PTGER4: variants seen among roughly 807,000 people sequenced by gnomAD.
PTGER4 encodes prostaglandin E receptor 4.
PTGER4 carries 11 observed loss-of-function variants against 33.2 expected under a neutral mutation model. The observed-to-expected ratio is 0.33, with a 90% CI of 0.21 to 0.55. The LOEUF is 0.55. PTGER4 is among the 20% of genes least tolerant of loss of function. PTGER4 has a pLI of 0.92. For missense variants in PTGER4, 481 were observed against 650.2 expected (o/e 0.74, Z 2.83); for synonymous variants, 275 against 281.5 (o/e 0.98, Z 0.23).
At chr5:40,684,137 C>A (rs1260667333) in intron 2 of PTGER4, among the ~76,000 whole-genome samples, 2 of 121,346 alleles carry the variant, frequency 1.6e-5, no homozygotes, top group East Asian at 3.0e-4. Context: ...CCCCCCCCCA[C>A]AATTCAGCAA....
chr5:40,718,375 C>T, the PTGER4 span, among the ~76,000 whole-genome samples: 2 of 151,978 alleles, frequency 1.3e-5, no homozygotes, highest in East Asian at 3.9e-4. Flanking sequence ...CACTGCACTC[C>T]AGCCTGGATG....
Position 40,693,438 on chromosome 5 carries a change from T to C in PTGER4, c.*1060T>C. The stretch of plus-strand genomic sequence containing the variant: ...GGATGGCAAGTTGCATCAGAAAGCT[T>C]TATTTTGAGATGTAAAAAGATTCCC... On this transcript the variant is annotated 3_prime_UTR_variant, in exon 3 of 3. Coordinates refer to ENST00000302472, the MANE Select transcript of PTGER4 (RefSeq NM_000958.3). 1 of 985,934 alleles carries C rather than the reference T, an allele frequency of 1.0e-6. No homozygotes were observed. Among genetic ancestry groups the C allele is most frequent in the Non-Finnish European group, 1.2e-6 (1 of 829,904 alleles). 61.1% of individuals were successfully genotyped at this position (985,934 alleles called of 1,614,324 possible).
At chr5:40,709,909 T>A in the PTGER4 span, among the ~76,000 whole-genome samples, 1 of 152,222 alleles carries the variant, frequency 6.6e-6, no homozygotes, top group African/African-American at 2.4e-5. Flanking sequence ...TCCTTACACC[T>A]TATACAAAAA....
the PTGER4 span, among the ~76,000 whole-genome samples, chr5:40,722,853 G>C: frequency 1.3e-5 from 2 of 151,590 alleles, no homozygotes; most frequent in Non-Finnish European, 2.9e-5. Context: ...TGCCCCGTCC[G>C]GGAGGTGGGG....
the PTGER4 span, among the ~76,000 whole-genome samples, chr5:40,705,259 A>T: frequency 6.6e-6 from 1 of 152,226 alleles, no homozygotes; most frequent in Non-Finnish European, 1.5e-5. Flanking sequence ...TACTGGGATA[A>T]CCAGCTAGCC....
At chr5:40,728,284 A>C in the PTGER4 span, 1 of 1,030,430 alleles carries the variant, frequency 9.7e-7, no homozygotes. Flanking sequence ...TCCATCTCAA[A>C]AAAAAAAAAA....
At chr5:40,717,229 C>A in the PTGER4 span, among the ~76,000 whole-genome samples, 193 of 108,702 alleles carry the variant, frequency 1.8e-3, no homozygotes, top group South Asian at 2.9e-3. Flanking sequence ...AACTCCATCT[C>A]AAAAAAAAAA....
the PTGER4 span, among the ~76,000 whole-genome samples, chr5:40,700,627 C>T: frequency 1.9e-3 from 285 of 152,260 alleles, 3 homozygotes; most frequent in African/African-American, 6.5e-3. Context: ...AAGCAAATGA[C>T]CTTTGGCCAC....
At chr5:40,689,973 T>C (rs536938173) in intron 2 of PTGER4, among the ~76,000 whole-genome samples, 2 of 152,294 alleles carry the variant, frequency 1.3e-5, no homozygotes, top group South Asian at 4.1e-4. Context: ...TAATTACAGA[T>C]GAGATTTTTA....
Position 40,681,575 on chromosome 5 carries a change from C to A in PTGER4, c.582C>A (p.Phe194Leu). Residue 194 changes from phenylalanine to leucine, a missense_variant, in exon 2 of 3, where the codon TTC (phenylalanine) becomes TTA (leucine). By Grantham distance (22) the Phe-to-Leu change is conservative. This residue lies in a region of PTGER4 where 174 missense variants were observed against 210.5 expected (regional missense o/e 0.83). Transcript: ENST00000302472. The surrounding 1 kb of genome is among the most constrained non-coding windows in gnomAD (Gnocchi z 9.8). ...YSYMYAGFSSFLILATVLCNV... is the reference protein window; with the variant it reads ...YSYMYAGFSSLLILATVLCNV... ...ACATGTACGCGGGCTTCAGCTCCTTCCTCATTCTCGCCACCGTCCTCTGCA... is the reference window on the plus strand; with the variant it reads ...ACATGTACGCGGGCTTCAGCTCCTTACTCATTCTCGCCACCGTCCTCTGCA... The A allele has an allele frequency of 1.2e-6, 2 of 1,610,620 alleles. No homozygotes were observed. Among genetic ancestry groups the A allele is most frequent in the Non-Finnish European group, 1.7e-6 (2 of 1,180,028 alleles).
At chr5:40,722,960 G>A in the PTGER4 span, among the ~76,000 whole-genome samples, 5 of 152,174 alleles carry the variant, frequency 3.3e-5, no homozygotes, top group East Asian at 5.8e-4. Context: ...CATTGAGAGC[G>A]GGCCATGATG....
chr5:40,733,346 C>T, the PTGER4 span, among the ~76,000 whole-genome samples: 2 of 152,202 alleles, frequency 1.3e-5, no homozygotes, highest in Admixed American at 1.3e-4. Context: ...GTGAACCATA[C>T]AGTCTATCAC....
the PTGER4 span, among the ~76,000 whole-genome samples, chr5:40,724,195 A>G: frequency 6.6e-6 from 1 of 152,360 alleles, no homozygotes; most frequent in East Asian, 1.9e-4. Context: ...TTCAGCTTCA[A>G]AAAAGAAGCA....
At chr5:40,697,605 AG>A (rs973281022), downstream of PTGER4, among the ~76,000 whole-genome samples, 1 of 151,080 alleles carries the variant, frequency 6.6e-6, no homozygotes, top group African/African-American at 2.4e-5. Context: ...AAAAAAACAA[AG>A]AAAAAAGAAA....
chr5:40,694,858 T>C (rs1270109201), downstream of PTGER4, among the ~76,000 whole-genome samples: 4 of 152,236 alleles, frequency 2.6e-5, no homozygotes, highest in Non-Finnish European at 5.9e-5. Flanking sequence ...TCCATATTTA[T>C]TTGTAAAACT....
rs140141289 is a variant in PTGER4 at position 40,681,593 on chromosome 5, C to T, written c.600C>T (p.Val200=). The T allele has an allele frequency of 6.2e-7, 1 of 1,608,980 alleles. No homozygotes were observed. The highest frequency in any genetic ancestry group is 8.5e-7 in the Non-Finnish European group (1 of 1,179,980). Residue 200 remains valine (V), a synonymous_variant, in exon 2 of 3, where the codon GTC becomes GTT. Transcript: ENST00000302472. This position sits in a 1 kb window ranked among gnomAD's most constrained non-coding sequence, Gnocchi z 9.8. ...GFSSFLILAT[V]LCNVLVCGAL... ...GCTCCTTCCTCATTCTCGCCACCGT[C>T]CTCTGCAACGTGCTTGTGTGCGGCG...
At chr5:40,707,544 A>T in the PTGER4 span, among the ~76,000 whole-genome samples, 1 of 152,176 alleles carries the variant, frequency 6.6e-6, no homozygotes, top group Non-Finnish European at 1.5e-5. Flanking sequence ...GTCCTTACAG[A>T]CCTACAAAGA....
At position 40,681,996 on chromosome 5, in the gene PTGER4, A is replaced by G; in HGVS notation, c.867+136A>G. ...TTTAGGTCGGGGCTGGGATTCCCAC[A>G]CTGTTTCTCAGAGCAGGCCCAACCC... On this transcript the variant is annotated intron_variant, in intron 2 of 2. Transcript: ENST00000302472. This position sits in a 1 kb window ranked among gnomAD's most constrained non-coding sequence, Gnocchi z 9.8. 8.5e-7 allele frequency: 1 copy of G among 1,179,238 alleles called. No individual in the cohort carries two copies. Among genetic ancestry groups the G allele is most frequent in the African/African-American group, 1.6e-5 (1 of 61,612 alleles). 73.0% of individuals were successfully genotyped at this position (1,179,238 alleles called of 1,614,324 possible).
At chr5:40,698,395 G>A (rs1056359408), downstream of PTGER4, among the ~76,000 whole-genome samples, 1 of 152,086 alleles carries the variant, frequency 6.6e-6, no homozygotes, top group African/African-American at 2.4e-5. Context: ...AGAGACCTAA[G>A]TTATAGTTAT....
Sources: allele counts gnomAD v4.1 joint callset (sites outside exome capture counted in the v4.1 genomes callset), GRCh38; gene constraint gnomAD v4.1.1; regional missense constraint gnomAD v4.1.1; non-coding constraint Gnocchi (gnomAD v3.1); transcripts MANE v1.5; gene names NCBI Gene and HGNC (gene_info 2026-07-23, HGNC 2026-07-21).